Variants in METTL15 observed in about 807,000 individuals in gnomAD.
The protein encoded by METTL15 is 12S rRNA N(4)-cytidine methyltransferase METTL15.
A neutral mutation model predicts 38.3 loss-of-function variants in METTL15; 34 were observed. The ratio of observed to expected loss-of-function variants is 0.89; its 90% confidence interval spans 0.68 to 1.18. The LOEUF is 1.18. Ranked by LOEUF, METTL15 falls within the 50% of genes most tolerant of loss-of-function variation. METTL15 has a pLI of 0.00. For missense variants in METTL15, 438 were observed against 498.4 expected (o/e 0.88, Z 1.15); for synonymous variants, 162 against 170.9 (o/e 0.95, Z 0.41).
At chr11:28,177,435 T>C (rs1334005058) in intron 3 of METTL15, among the ~76,000 whole-genome samples, 1 of 152,036 alleles carries the variant, frequency 6.6e-6, no homozygotes, top group Non-Finnish European at 1.5e-5. Context: ...AGATGTTTCA[T>C]TCGAGACAAG....
intron 6 of METTL15, among the ~76,000 whole-genome samples, chr11:28,447,430 G>A (rs1051568487): frequency 6.6e-6 from 1 of 152,136 alleles, no homozygotes; most frequent in African/African-American, 2.4e-5. Flanking sequence ...TATGTCTGAG[G>A]CCAGATTCCT....
chr11:28,337,657 T>TA (rs1284427135), downstream of METTL15, among the ~76,000 whole-genome samples: 2 of 152,176 alleles, frequency 1.3e-5, no homozygotes, highest in Non-Finnish European at 2.9e-5. Flanking sequence ...GCACTATTCA[T>TA]AGTAAGTGCA....
intron 6 of METTL15, among the ~76,000 whole-genome samples, chr11:28,300,110 T>C (rs181241986): frequency 3.9e-5 from 6 of 152,262 alleles, no homozygotes; most frequent in African/African-American, 2.4e-5. Context: ...ACATGAATTG[T>C]GCTACGTAGA....
intron 4 of METTL15, among the ~76,000 whole-genome samples, chr11:28,255,987 G>A (rs1441111270): frequency 6.6e-6 from 1 of 152,216 alleles, no homozygotes; most frequent in East Asian, 1.9e-4. Context: ...ACAGGCATGA[G>A]CCACCGTGCC....
downstream of METTL15, among the ~76,000 whole-genome samples, chr11:28,528,016 A>C (rs555868515): frequency 2.0e-5 from 3 of 152,186 alleles, no homozygotes; most frequent in Non-Finnish European, 2.9e-5. Context: ...AGAATTTGTA[A>C]AAAAATGACT....
intron 3 of METTL15, among the ~76,000 whole-genome samples, chr11:28,180,871 T>C (rs1038633657): frequency 2.0e-5 from 3 of 151,792 alleles, no homozygotes; most frequent in Non-Finnish European, 4.4e-5. Context: ...CATTAAGTGT[T>C]TGTTATCAGT....
intron 3 of METTL15, among the ~76,000 whole-genome samples, chr11:28,137,966 T>C (rs553752177): frequency 3.3e-5 from 5 of 152,182 alleles, no homozygotes; most frequent in Non-Finnish European, 5.9e-5. Flanking sequence ...AGTCAGATCA[T>C]TGGCCTCAGG....
At chr11:28,273,000 C>T (rs1565215917) in intron 4 of METTL15, among the ~76,000 whole-genome samples, 1 of 152,088 alleles carries the variant, frequency 6.6e-6, no homozygotes, top group East Asian at 1.9e-4. Flanking sequence ...TCTAAGCCAA[C>T]GTTTCTATAA....
chr11:28,283,499 T>G (rs1856133937), intron 4 of METTL15, among the ~76,000 whole-genome samples: 1 of 152,200 alleles, frequency 6.6e-6, no homozygotes, highest in Non-Finnish European at 1.5e-5. Flanking sequence ...AGAAGAATGA[T>G]GAAGGTCCAT....
intron 4 of METTL15, among the ~76,000 whole-genome samples, chr11:28,211,650 T>A (rs548026803): frequency 4.1e-4 from 62 of 152,164 alleles, no homozygotes; most frequent in Non-Finnish European, 7.4e-4. Flanking sequence ...CAAGTAAATC[T>A]AGAGTGATCC....
downstream of METTL15, among the ~76,000 whole-genome samples, chr11:28,527,843 C>T (rs896935105): frequency 6.6e-6 from 1 of 152,102 alleles, no homozygotes; most frequent in East Asian, 1.9e-4. Context: ...ACCTTCTTAG[C>T]GTTTTTATCT....
intron 5 of METTL15, among the ~76,000 whole-genome samples, chr11:28,366,980 C>T (rs548121265): frequency 5.9e-5 from 9 of 152,266 alleles, no homozygotes; most frequent in Non-Finnish European, 8.8e-5. Context: ...TTGCATTTTA[C>T]CCATGATAAC....
intron 4 of METTL15, among the ~76,000 whole-genome samples, chr11:28,226,316 T>C (rs867006841): frequency 1.4e-4 from 22 of 151,996 alleles, no homozygotes; most frequent in South Asian, 2.1e-4. Flanking sequence ...CCTTGGGGAC[T>C]ATTTTTAGTG....
In METTL15 at chr11:28,123,909, A is replaced by G. The variant is rs760445348; in HGVS notation, c.270+10305A>G. 2.9e-5 allele frequency: 42 copies of G among 1,454,660 alleles called. No individual in the cohort carries two copies. The Admixed American group carries it at 7.1e-4, about 25-fold the overall frequency. 90.1% of individuals were successfully genotyped at this position (1,454,660 alleles called of 1,614,324 possible). A position where few individuals can be genotyped will look rare whatever the true frequency, so the allele number is the denominator to read the frequency against. On this transcript the variant is annotated intron_variant, in intron 3 of 6. Transcript: ENST00000407364. Reference sequence around the variant, plus strand: ...TTTAATATATTCATAAAGATGGAGAATTTCCCACTTGAGGCGAGTATACAC... The same window carrying G: ...TTTAATATATTCATAAAGATGGAGAGTTTCCCACTTGAGGCGAGTATACAC...
intron 3 of METTL15, among the ~76,000 whole-genome samples, chr11:28,162,818 G>GA (rs1417205546): frequency 2.0e-5 from 3 of 152,080 alleles, no homozygotes; most frequent in African/African-American, 7.2e-5. Context: ...ATGTGGGAGT[G>GA]AAAAACAGAA....
At chr11:28,379,590 CT>C (rs1217737916) in intron 5 of METTL15, among the ~76,000 whole-genome samples, 4 of 152,056 alleles carry the variant, frequency 2.6e-5, no homozygotes, top group African/African-American at 9.7e-5. Flanking sequence ...ATAATTACTA[CT>C]TTTTATAACT....
chr11:28,183,037 C>G (rs1050277689), intron 3 of METTL15, among the ~76,000 whole-genome samples: 2 of 151,994 alleles, frequency 1.3e-5, no homozygotes, highest in East Asian at 3.9e-4. Context: ...TGGGAGTTCA[C>G]TCAATATTTG....
chr11:28,257,820 C>T (rs1855034751), intron 4 of METTL15, among the ~76,000 whole-genome samples: 1 of 152,142 alleles, frequency 6.6e-6, no homozygotes, highest in African/African-American at 2.4e-5. Context: ...TGAGTTTCCT[C>T]AACATAGCTA....
At chr11:28,507,024 C>T (rs115958573) in intron 6 of METTL15, among the ~76,000 whole-genome samples, 105 of 152,216 alleles carry the variant, frequency 6.9e-4, no homozygotes, top group African/African-American at 1.8e-3. Flanking sequence ...GAATTATAGG[C>T]CTGAGCCCAC....
Sources: gnomAD v4.1 joint callset for allele counts (sites outside exome capture counted in the v4.1 genomes callset) on GRCh38, gnomAD v4.1.1 for gene constraint, MANE v1.5 for transcripts, NCBI Gene and HGNC (gene_info 2026-07-23, HGNC 2026-07-21) for gene names.